The following AGAP1 variants were observed in gnomAD, a reference collection of about 807,000 sequenced individuals.
AGAP1 encodes the protein ArfGAP with GTPase domain, ankyrin repeat and PH domain 1.
In AGAP1, 29 loss-of-function variants were observed where a neutral mutation model predicts 105.3. The ratio of observed to expected loss-of-function variants is 0.28; its 90% CI spans 0.21 to 0.38. The LOEUF (loss-of-function observed/expected upper bound fraction) is 0.38. AGAP1 is among the 10% of genes least tolerant of loss of function. The probability of loss-of-function intolerance (pLI) is 1.00; values close to 1 mark genes in which losing one functional copy is unlikely to be tolerated. For synonymous variants in AGAP1, 509 were observed against 485.9 expected (o/e 1.05, Z -0.63); for missense variants, 998 against 1,165.1 (o/e 0.86, Z 2.09).
rs571851959 is a variant in AGAP1 at position 235,695,988 on chromosome 2, G to A, written c.164-13191G>A. ...AGGGCCGAGGAGACACTTGCATGGG[G>A]TTGTCGACAGAGGGGCACCAGGATG... is the stretch of plus-strand genomic sequence containing the variant. On this transcript the variant is annotated intron_variant, in intron 1 of 17. Coordinates refer to ENST00000304032, the MANE Select transcript of AGAP1 (RefSeq NM_001037131.3). Among the ~76,000 whole-genome samples, 6 of 152,314 alleles carry A rather than the reference G, an allele frequency of 3.9e-5. No homozygotes were observed. In the South Asian group the frequency reaches 1.0e-3, roughly 26 times the overall value.
At chr2:235,835,391 G>A (rs1318877201) in intron 9 of AGAP1, among the ~76,000 whole-genome samples, 1 of 152,192 alleles carries the variant, frequency 6.6e-6, no homozygotes, top group African/African-American at 2.4e-5. Context: ...GCCACACCTG[G>A]CAGAGAGGCT....
Position 235,867,617 on chromosome 2 carries a change from A to G in AGAP1, c.1051-15728A>G, listed in dbSNP as rs2049242086. 6.6e-6 allele frequency among the ~76,000 whole-genome samples: 1 copy of G among 151,536 alleles called. No individual in the cohort carries two copies. The highest frequency in any genetic ancestry group is 1.5e-5 in the Non-Finnish European group (1 of 67,960). The stretch of plus-strand genomic sequence containing the variant: ...ACCCCCACACCAAGCACACAGGGCC[A>G]TGGATTTTCACTGTCTTGGGTCCAG... On this transcript the variant is annotated intron_variant, in intron 9 of 17. Coordinates refer to ENST00000304032, the MANE Select transcript of AGAP1 (RefSeq NM_001037131.3). This position sits in a 1 kb window ranked among gnomAD's most constrained non-coding sequence, Gnocchi z 5.4.
chr2:235,494,903 G>C, intron 1 of AGAP1, 54 bp downstream of exon 1: 1 of 1,500,312 alleles, frequency 6.7e-7, no homozygotes, highest in Non-Finnish European at 8.9e-7. Flanking sequence ...CCGCGGCGCG[G>C]CGGGGGTGTG....
intron 13 of AGAP1, among the ~76,000 whole-genome samples, chr2:236,023,747 A>G (rs1413296405): frequency 6.6e-6 from 1 of 152,090 alleles, no homozygotes; most frequent in African/African-American, 2.4e-5. Context: ...CACCGTTGCG[A>G]TATCCCATTT....
chr2:236,058,868 A>G lies in AGAP1; in HGVS notation c.2114+9587A>G, dbSNP rs1267762787. Among the ~76,000 whole-genome samples, 1 of 152,224 alleles carries G rather than the reference A, an allele frequency of 6.6e-6. No homozygotes were observed. ...AGCAAAATTGAAGGATACAAGATCA[A>G]TGTGCAAAACTCTTAGCTGGCCATG... is the stretch of plus-strand genomic sequence containing the variant. On this transcript the variant is annotated intron_variant, in intron 16 of 17. Transcript: ENST00000304032. This position sits in a 1 kb window ranked among gnomAD's most constrained non-coding sequence, Gnocchi z 4.6.
At position 235,988,995 on chromosome 2, in the gene AGAP1, C is replaced by G. The variant is rs1028226699; in HGVS notation, c.1645+20372C>G. ...TCTTCCGAGGAATGCACAGACCACA[C>G]GTTGTCAGGCTTCCCTTGGCCAATA... On this transcript the variant is annotated intron_variant, in intron 13 of 17. Transcript: ENST00000304032. The surrounding 1 kb of genome is among the most constrained non-coding windows in gnomAD (Gnocchi z 4.7). Among the ~76,000 whole-genome samples, 1 of 152,190 alleles carries G rather than the reference C, an allele frequency of 6.6e-6. No homozygotes were observed. Among genetic ancestry groups the G allele is most frequent in the African/African-American group, 2.4e-5 (1 of 41,448 alleles).
chr2:235,592,085 T>C (rs1171596354), intron 1 of AGAP1, among the ~76,000 whole-genome samples: 2 of 152,226 alleles, frequency 1.3e-5, no homozygotes, highest in African/African-American at 2.4e-5. Flanking sequence ...CACACAGTCA[T>C]ACATTGAAGT....
intron 12 of AGAP1, among the ~76,000 whole-genome samples, chr2:235,955,842 G>A (rs1336758138): frequency 6.6e-6 from 1 of 152,150 alleles, no homozygotes; most frequent in East Asian, 1.9e-4. Flanking sequence ...GCGGAGTGAA[G>A]TGGCCAGGTG....
Position 236,014,229 on chromosome 2 carries a change from A to G in AGAP1, c.1646-22332A>G, listed in dbSNP as rs1338119333. Among the ~76,000 whole-genome samples, 1 of 152,198 alleles carries G rather than the reference A, an allele frequency of 6.6e-6. No individual in the cohort carries two copies. Among genetic ancestry groups the G allele is most frequent in the Non-Finnish European group, 1.5e-5 (1 of 68,028 alleles). ...TCAAAGAGAATAGACTCCTCCCTCC[A>G]GGACAGCAGAATGGCACTAGGGGGT... On this transcript the variant is annotated intron_variant, in intron 13 of 17. Transcript: ENST00000304032. The surrounding 1 kb of genome is among the most constrained non-coding windows in gnomAD (Gnocchi z 6.3).
At chr2:235,797,363 G>A (rs1317381087) in intron 6 of AGAP1, among the ~76,000 whole-genome samples, 1 of 152,088 alleles carries the variant, frequency 6.6e-6, no homozygotes, top group Non-Finnish European at 1.5e-5. Flanking sequence ...TGTGGCTCCT[G>A]TTCCCAGTGT....
At chr2:235,812,281 C>A (rs547635955) in intron 9 of AGAP1, among the ~76,000 whole-genome samples, 1 of 152,216 alleles carries the variant, frequency 6.6e-6, no homozygotes, top group Non-Finnish European at 1.5e-5. Flanking sequence ...GTGGGAAAAG[C>A]CTTCCCAAGC....
rs1384880217 is a variant in AGAP1, at chr2:235,550,628, C to A, written c.163+55779C>A. On this transcript the variant is annotated intron_variant, in intron 1 of 17. Coordinates refer to ENST00000304032, the MANE Select transcript of AGAP1 (RefSeq NM_001037131.3). The surrounding 1 kb of genome is among the most constrained non-coding windows in gnomAD (Gnocchi z 4.6). ...TGTTTGCCGCAGAGGTGCCGAGGGC[C>A]CAGCAGGACTGTAGCACAGGATCAG... Among the ~76,000 whole-genome samples the A allele has an allele frequency of 6.6e-6, 1 of 152,100 alleles. No individual in the cohort carries two copies. Among genetic ancestry groups the A allele is most frequent in the Non-Finnish European group, 1.5e-5 (1 of 68,024 alleles).
Position 235,535,021 on chromosome 2 carries a change from C to T in AGAP1, c.163+40172C>T, listed in dbSNP as rs531939859. 6.6e-6 allele frequency among the ~76,000 whole-genome samples: 1 copy of T among 152,190 alleles called. No homozygotes were observed. The highest frequency in any genetic ancestry group is 6.5e-5 in the Admixed American group (1 of 15,282). On this transcript the variant is annotated intron_variant, in intron 1 of 17. Transcript: ENST00000304032. This position sits in a 1 kb window ranked among gnomAD's most constrained non-coding sequence, Gnocchi z 5.1. ...CAGGATGCTTTTTTCCTCCAAATGC[C>T]TCTCACCTATTCCCAGATACTCGCT...
At chr2:235,980,168 C>T (rs2055031337) in intron 13 of AGAP1, among the ~76,000 whole-genome samples, 1 of 152,192 alleles carries the variant, frequency 6.6e-6, no homozygotes, top group African/African-American at 2.4e-5. Flanking sequence ...TTTTTGATCA[C>T]ACACTGATTG....
intron 6 of AGAP1, among the ~76,000 whole-genome samples, chr2:235,767,045 C>G (rs1257727473): frequency 6.6e-6 from 1 of 151,270 alleles, no homozygotes; most frequent in Non-Finnish European, 1.5e-5. Context: ...TCCCAAGTAT[C>G]TAGGATTACA....
At chr2:235,826,806 T>C (rs1959095852) in intron 9 of AGAP1, among the ~76,000 whole-genome samples, 1 of 152,160 alleles carries the variant, frequency 6.6e-6, no homozygotes. Context: ...CTTCACGAAG[T>C]TCCTGTGGAG....
At chr2:235,657,649 T>TG (rs1220804139) in intron 1 of AGAP1, among the ~76,000 whole-genome samples, 1 of 152,228 alleles carries the variant, frequency 6.6e-6, no homozygotes, top group African/African-American at 2.4e-5. Flanking sequence ...CCCAAAGTGC[T>TG]GGGATTACAG....
Position 235,650,084 on chromosome 2 carries a change from A to G in AGAP1, c.164-59095A>G, listed in dbSNP as rs572476841. On this transcript the variant is annotated intron_variant, in intron 1 of 17. Coordinates refer to ENST00000304032, the MANE Select transcript of AGAP1 (RefSeq NM_001037131.3). ...AAAATAAGAATTGATTAAACCAGCTAGGGATGGTGGCTCACGCCTGAAATC... is the reference window on the plus strand; with the variant it reads ...AAAATAAGAATTGATTAAACCAGCTGGGGATGGTGGCTCACGCCTGAAATC... Among the ~76,000 whole-genome samples the G allele has an allele frequency of 3.3e-5, 5 of 152,330 alleles. No homozygotes were observed. In the South Asian group the frequency reaches 1.0e-3, roughly 32 times the overall value.
rs1951099368 is a variant in AGAP1, at chr2:235,716,252, C to T, written c.223-1305C>T. 6.6e-6 allele frequency among the ~76,000 whole-genome samples: 1 copy of T among 152,062 alleles called. No individual in the cohort carries two copies. The highest frequency in any genetic ancestry group is 2.4e-5 in the African/African-American group (1 of 41,422). On this transcript the variant is annotated intron_variant, in intron 2 of 17. Transcript: ENST00000304032. This position sits in a 1 kb window ranked among gnomAD's most constrained non-coding sequence, Gnocchi z 4.0. ...GAGCCCTGGCGAGTCCCAGTATGTC[C>T]CTGCAGATGGAGGAAGAACCCACAG...
Sources: allele counts gnomAD v4.1 joint callset (sites outside exome capture counted in the v4.1 genomes callset), GRCh38; gene constraint gnomAD v4.1.1; non-coding constraint Gnocchi (gnomAD v3.1); transcripts MANE v1.5; gene names NCBI Gene and HGNC (gene_info 2026-07-23, HGNC 2026-07-21).